Variants in ITSN2 observed in about 807,000 individuals in gnomAD.
ITSN2 encodes intersectin 2, also known as intersectin-2.
A neutral mutation model predicts 243.7 loss-of-function variants in ITSN2; 156 were observed. The ratio of observed to expected loss-of-function variants is 0.64; its 90% CI spans 0.56 to 0.73. ITSN2 has a LOEUF of 0.73. Ranked by LOEUF, ITSN2 falls within the 30% of genes least tolerant of loss-of-function variation. The pLI is 0.00. For missense variants in ITSN2, 1,801 were observed against 1,996.1 expected (o/e 0.90, Z 1.86); for synonymous variants, 703 against 699.9 (o/e 1.00, Z -0.07).
intron 1 of ITSN2, among the ~76,000 whole-genome samples, chr2:24,336,319 A>G (rs960036103): frequency 6.6e-6 from 1 of 152,016 alleles, no homozygotes; most frequent in Non-Finnish European, 1.5e-5. Flanking sequence ...TACATTATGA[A>G]TAGAACCTAA....
intron 1 of ITSN2, among the ~76,000 whole-genome samples, chr2:24,337,273 ATATGTATG>A (rs66988491): frequency 4.0e-5 from 4 of 98,936 alleles, no homozygotes; most frequent in Non-Finnish European, 8.0e-5. Flanking sequence ...GTGTGTGTCT[ATATGTATG>A]TATGTGTGTG....
intron 29 of ITSN2, among the ~76,000 whole-genome samples, chr2:24,237,017 A>G (rs2247172): frequency 0.98 from 149,031 of 152,196 alleles, 72,966 homozygotes; most frequent in East Asian, 0.99. Context: ...TATGAGTAAC[A>G]GTTGTAGTGC....
intron 11 of ITSN2, 116 bp from the exon 12 acceptor site, chr2:24,300,287 T>TG: frequency 1.1e-6 from 1 of 886,652 alleles, no homozygotes; most frequent in Non-Finnish European, 1.7e-6. Flanking sequence ...ATTTGAATAC[T>TG]TCTCCTAAGG....
At chr2:24,235,440 G>T (rs762891060) in intron 29 of ITSN2, among the ~76,000 whole-genome samples, 8 of 152,122 alleles carry the variant, frequency 5.3e-5, no homozygotes, top group Non-Finnish European at 8.8e-5. Flanking sequence ...CAATCCCACA[G>T]AATGCACAGC....
At chr2:24,284,729 C>A in intron 17 of ITSN2, 34 bp downstream of exon 17, 1 of 1,268,202 alleles carries the variant, frequency 7.9e-7, no homozygotes, top group African/African-American at 1.5e-5. Context: ...AGCAAAGTAA[C>A]TCAAAGAAAA....
intron 2 of ITSN2, among the ~76,000 whole-genome samples, chr2:24,321,121 T>C (rs1684525315): frequency 6.6e-6 from 1 of 152,200 alleles, no homozygotes; most frequent in Admixed American, 6.5e-5. Flanking sequence ...TAGCTTTTGT[T>C]CCAGACTATC....
intron 1 of ITSN2, among the ~76,000 whole-genome samples, chr2:24,340,545 C>T (rs999139151): frequency 1.3e-5 from 2 of 152,010 alleles, no homozygotes; most frequent in Admixed American, 6.6e-5. Context: ...TCAAAATCGT[C>T]GCAGTCCCCA....
At chr2:24,320,207 T>C (rs894709856) in intron 2 of ITSN2, among the ~76,000 whole-genome samples, 3 of 38,250 alleles carry the variant, frequency 7.8e-5, no homozygotes, top group African/African-American at 3.1e-4. Context: ...TGAGACCCCA[T>C]CTCTACAAAA....
rs1367588221 is a variant in ITSN2 at position 24,314,929 on chromosome 2, A to C, written c.124+203T>G. On this transcript the variant is annotated intron_variant, in intron 3 of 39. Transcript: ENST00000355123. Reference sequence around the variant, plus strand: ...GACTATCATTTAGGATTCAGGAAAAATCTTCCATATCCCAAATTTAAAACA... The same window carrying C: ...GACTATCATTTAGGATTCAGGAAAACTCTTCCATATCCCAAATTTAAAACA... Among the ~76,000 whole-genome samples, 3 of 152,374 alleles carry C rather than the reference A, an allele frequency of 2.0e-5. No homozygotes were observed. In the East Asian group the frequency reaches 5.8e-4, roughly 29 times the overall value.
chr2:24,325,446 T>C (rs1298699957), intron 2 of ITSN2, among the ~76,000 whole-genome samples: 1 of 152,098 alleles, frequency 6.6e-6, no homozygotes, highest in African/African-American at 2.4e-5. Context: ...AACTGGGCAA[T>C]ACGTGTAATT....
intron 1 of ITSN2, among the ~76,000 whole-genome samples, chr2:24,337,375 G>C (rs1416425783): frequency 5.8e-5 from 4 of 69,554 alleles, no homozygotes; most frequent in Non-Finnish European, 1.2e-4. Context: ...TTTTAAGACA[G>C]AGTCTCGCTC....
chr2:24,278,322 C>G (rs1448691078), intron 17 of ITSN2, among the ~76,000 whole-genome samples: 1 of 152,208 alleles, frequency 6.6e-6, no homozygotes, highest in African/African-American at 2.4e-5. Context: ...GCCTCCTCCA[C>G]TGAAGTGAGT....
At chr2:24,256,836 A>C (rs1675109703) in intron 23 of ITSN2, among the ~76,000 whole-genome samples, 1 of 152,208 alleles carries the variant, frequency 6.6e-6, no homozygotes, top group African/African-American at 2.4e-5. Flanking sequence ...AGTAACTATA[A>C]TGCAGAGTGC....
Position 24,290,372 on chromosome 2 carries a change from G to A in ITSN2, c.1723+3316C>T, listed in dbSNP as rs569877357. 2.6e-3 allele frequency among the ~76,000 whole-genome samples: 395 copies of A among 152,122 alleles called. 2 individuals are homozygous for A. The highest frequency in any genetic ancestry group is 4.6e-3 in the Non-Finnish European group (312 of 67,972). On this transcript the variant is annotated intron_variant, in intron 15 of 39. Coordinates refer to ENST00000355123, the MANE Select transcript of ITSN2 (RefSeq NM_006277.3). ...GAATTGTTAGGTCTTATCCTTTGCCGTATTTTTCTATTGGGCTGTCTTAAT... is the reference window on the plus strand; with the variant it reads ...GAATTGTTAGGTCTTATCCTTTGCCATATTTTTCTATTGGGCTGTCTTAAT...
intron 20 of ITSN2, among the ~76,000 whole-genome samples, chr2:24,265,201 C>G (rs1239740719): frequency 6.6e-6 from 1 of 152,230 alleles, no homozygotes; most frequent in African/African-American, 2.4e-5. Context: ...AAGAGAAGAA[C>G]TGACTTCTTA....
chr2:24,223,352 C>CA (rs1444138381), intron 29 of ITSN2, among the ~76,000 whole-genome samples: 1 of 151,640 alleles, frequency 6.6e-6, no homozygotes, highest in Non-Finnish European at 1.5e-5. Flanking sequence ...CCACAGAGAA[C>CA]AAAAAAATAA....
At chr2:24,348,904 C>T (rs1338292363) in intron 1 of ITSN2, among the ~76,000 whole-genome samples, 1 of 151,890 alleles carries the variant, frequency 6.6e-6, no homozygotes, top group Non-Finnish European at 1.5e-5. Flanking sequence ...AGTATACTAT[C>T]GCTGCAAAAA....
chr2:24,220,380 G>A (rs1670331441), intron 30 of ITSN2: 4 of 984,242 alleles, frequency 4.1e-6, no homozygotes, highest in South Asian at 4.7e-5. Flanking sequence ...AGTGCTACTC[G>A]AATAAGGATA....
chr2:24,261,733 T>C lies in ITSN2; in HGVS notation c.2365A>G (p.Lys789Glu). 1 of 1,611,616 alleles carries C rather than the reference T, an allele frequency of 6.2e-7. No individual in the cohort carries two copies. The highest frequency in any genetic ancestry group is 8.5e-7 in the Non-Finnish European group (1 of 1,178,972). The change falls in exon 21 of 40, where the codon AAA (lysine) becomes GAA (glutamate). Residue 789 changes from lysine to glutamate, a missense_variant. Lys to Glu is a moderately conservative substitution (Grantham distance 56, BLOSUM62 1). Coordinates refer to ENST00000355123, the MANE Select transcript of ITSN2 (RefSeq NM_006277.3). ...AGCCAACCAGGTTCTCCTACGGTTT[T>C]TTCATCAACCTACGGAAATAAAAAG... Reference protein sequence around the residue: ...NSGDIIQVDEKTVGEPGWLYG... With the variant: ...NSGDIIQVDEETVGEPGWLYG...
Sources: gnomAD v4.1 joint callset for allele counts (sites outside exome capture counted in the v4.1 genomes callset) on GRCh38, gnomAD v4.1.1 for gene constraint, MANE v1.5 for transcripts, NCBI Gene and HGNC (gene_info 2026-07-23, HGNC 2026-07-21) for gene names.